The following EPS8L1 variants were observed in gnomAD, a reference collection of about 807,000 sequenced individuals.
EPS8L1 encodes epidermal growth factor receptor kinase substrate 8-like protein 1.
In EPS8L1, 101 loss-of-function variants were observed where a neutral mutation model predicts 91.7. The ratio of observed to expected loss-of-function variants is 1.10; its 90% CI spans 0.94 to 1.30. EPS8L1 has a LOEUF of 1.30. Among genes scored for constraint, EPS8L1 ranks in the 50% most tolerant of loss-of-function variants. EPS8L1 has a pLI of 0.00. For missense variants in EPS8L1, 1,114 were observed against 1,017.0 expected, an observed-to-expected ratio of 1.10 and a Z score of -1.30; for synonymous variants, 506 against 445.3, an observed-to-expected ratio of 1.14 and a Z score of -1.72.
chr19:55,077,974 C>G (rs1006236580), intron 2 of EPS8L1, 114 bp from the exon 3 acceptor site: 25 of 518,368 alleles, frequency 4.8e-5, no homozygotes, highest in Non-Finnish European at 8.1e-5. Flanking sequence ...ATAATAATAA[C>G]CCTTCCATCG....
Position 55,086,809 on chromosome 19 carries a change from G to A in EPS8L1, c.1873G>A (p.Ala625Thr), listed in dbSNP as rs1216979280. The part of the protein sequence containing the change: ...GPSRAVPGPR[A>T]PEPQLSPGSD... ...GAGCCGCGCAGTCCCAGGGCCCCGCGCCCCGGAACCGCAGCTCAGCCCGGG... is the reference window on the plus strand; with the variant it reads ...GAGCCGCGCAGTCCCAGGGCCCCGCACCCCGGAACCGCAGCTCAGCCCGGG... Residue 625 changes from alanine to threonine, a missense_variant, in exon 18 of 20, where the codon GCC becomes ACC. Transcript: ENST00000201647. 6.3e-7 allele frequency: 1 copy of A among 1,590,786 alleles called. No homozygotes were observed. Among genetic ancestry groups the A allele is most frequent in the Non-Finnish European group, 8.5e-7 (1 of 1,170,030 alleles).
chr19:55,080,016 C>T, intron 5 of EPS8L1, 113 bp from the exon 6 acceptor site: 1 of 1,438,202 alleles, frequency 7.0e-7, no homozygotes, highest in Non-Finnish European at 9.2e-7. Flanking sequence ...GGCTGTTATC[C>T]CTAACCCCCT....
At position 55,080,851 on chromosome 19, in the gene EPS8L1, T is replaced by C; in HGVS notation, c.509T>C (p.Leu170Pro). The C allele has an allele frequency of 1.2e-6, 2 of 1,607,560 alleles. No individual in the cohort carries two copies. The highest frequency in any genetic ancestry group is 1.7e-6 in the Non-Finnish European group (2 of 1,176,740). ...SGRGERRAAALRATQEELQRD... is the reference protein window; with the variant it reads ...SGRGERRAAAPRATQEELQRD... ...CGCGGGGAGCGCAGGGCGGCGGCGCTCAGGTGAGAGGGAAGAAGTTGGCAG... is the reference window on the plus strand; with the variant it reads ...CGCGGGGAGCGCAGGGCGGCGGCGCCCAGGTGAGAGGGAAGAAGTTGGCAG... The change falls in exon 7 of 20, where the codon CTC becomes CCC. Residue 170 changes from leucine to proline, a missense_variant. By Grantham distance (98) the Leu-to-Pro change is moderately conservative. Transcript: ENST00000201647.
chr19:55,087,533 A>G lies in EPS8L1; in HGVS notation c.2091A>G (p.Lys697=), dbSNP rs1419208121. 6.2e-7 allele frequency: 1 copy of G among 1,614,024 alleles called. No individual in the cohort carries two copies. The highest frequency in any genetic ancestry group is 8.5e-7 in the Non-Finnish European group (1 of 1,180,030). ...VTVQRSLLED[K]EKVSELEAVM... ...ATTTCCACCCCGCCCTCCAGGACAAAGAGAAAGTGTCAGAGCTGGAGGCAG... is the reference window on the plus strand; with the variant it reads ...ATTTCCACCCCGCCCTCCAGGACAAGGAGAAAGTGTCAGAGCTGGAGGCAG... The change falls in exon 20 of 20, where the codon AAA becomes AAG. Residue 697 remains lysine (K), a synonymous_variant. Transcript: ENST00000201647.
At chr19:55,076,152 G>A (rs56894949) in intron 1 of EPS8L1, among the ~76,000 whole-genome samples, 310 of 39,346 alleles carry the variant, frequency 7.9e-3, no homozygotes, top group African/African-American at 0.026. Context: ...TGGACTCCTG[G>A]GTCTGAGGGA....
chr19:55,086,925 AC>A, intron 18 of EPS8L1, 37 bp downstream of exon 18: 1 of 1,406,318 alleles, frequency 7.1e-7, no homozygotes, highest in Non-Finnish European at 9.2e-7. Context: ...GCGGGTTGAT[AC>A]GGACGCTGGG....
Position 55,079,841 on chromosome 19 carries a change from C to T in EPS8L1, c.269C>T (p.Pro90Leu), listed in dbSNP as rs746677729. The T allele has an allele frequency of 1.1e-5, 17 of 1,612,322 alleles. No individual in the cohort carries two copies. In the East Asian group the frequency reaches 1.8e-4, roughly 17 times the overall value. The change falls in exon 5 of 20, where the codon CCG becomes CTG. Residue 90 changes from proline to leucine, a missense_variant. Coordinates refer to ENST00000201647, the MANE Select transcript of EPS8L1 (RefSeq NM_133180.3). ...CCCGACCATGTCACGCTGCTCGACCCGGCCTCCAAGGTGCCGGGGGGCACG... is the reference window on the plus strand; with the variant it reads ...CCCGACCATGTCACGCTGCTCGACCTGGCCTCCAAGGTGCCGGGGGGCACG... ...VSPDHVTLLD[P>L]ASKEELESYP...
In EPS8L1 at chr19:55,085,706, T is replaced by C. The variant is rs559891251; in HGVS notation, c.1386-135T>C. 84 of 1,011,768 alleles carry C rather than the reference T, an allele frequency of 8.3e-5. 1 individual carries two copies. In the Middle Eastern group the frequency reaches 2.0e-3, roughly 24 times the overall value. 62.7% of individuals were successfully genotyped at this position (1,011,768 alleles called of 1,614,324 possible). A position where few individuals can be genotyped will look rare whatever the true frequency, so the allele number is the denominator to read the frequency against. ...TTCAGTCTGTTATTCTTGTTTCAAA[T>C]TTCTATTAACAGTATTAACCCGGCC... On this transcript the variant is annotated intron_variant, in intron 14 of 19. Transcript: ENST00000201647.
Position 55,087,853 on chromosome 19 carries a change from C to T in EPS8L1, c.*239C>T, listed in dbSNP as rs1057360743. 3.7e-6 allele frequency: 2 copies of T among 546,068 alleles called. No individual in the cohort carries two copies. Among genetic ancestry groups the T allele is most frequent in the South Asian group, 2.0e-5 (1 of 50,074 alleles). The allele number at this position is 546,068 out of a possible 1,614,324, so 33.8% of individuals were successfully genotyped here. On this transcript the variant is annotated 3_prime_UTR_variant, in exon 20 of 20. Transcript: ENST00000201647. ...TCTACGGAAAGCGCTAGCAGACCCC[C>T]GAGAGGGTGCAGTGGAGCCCTGAGC...
chr19:55,082,753 A>G, intron 12 of EPS8L1, 151 bp downstream of exon 12: 1 of 711,872 alleles, frequency 1.4e-6, no homozygotes, highest in Non-Finnish European at 2.3e-6. Context: ...GGCTTAGGAC[A>G]GATGCCAAGA....
chr19:55,079,950 C>G, intron 5 of EPS8L1, 99 bp downstream of exon 5: 1 of 1,465,036 alleles, frequency 6.8e-7, no homozygotes. Context: ...TCTGGGAACT[C>G]TGGCGAGGGA....
chr19:55,085,899 T>C lies in EPS8L1; in HGVS notation c.1444T>C (p.Trp482Arg). The C allele has an allele frequency of 6.2e-7, 1 of 1,612,682 alleles. No homozygotes were observed. The highest frequency in any genetic ancestry group is 8.5e-7 in the Non-Finnish European group (1 of 1,179,678). The change falls in exon 15 of 20, where the codon TGG (tryptophan) becomes CGG (arginine). Residue 482 changes from tryptophan to arginine, a missense_variant. Physicochemically the swap from Trp to Arg is moderately radical, Grantham distance 101. Coordinates refer to ENST00000201647, the MANE Select transcript of EPS8L1 (RefSeq NM_133180.3). Reference protein sequence around the residue: ...PQLESETAGKWVLCNYDFQAR... With the variant: ...PQLESETAGKRVLCNYDFQAR... ...GCTGGAGTCAGAGACAGCAGGAAAA[T>C]GGGTCCTGTGTAATTATGACTTCCA...
chr19:55,083,825 A>T lies in EPS8L1; in HGVS notation c.1385+181A>T. 1.4e-5 allele frequency: 1 copy of T among 69,124 alleles called. No individual in the cohort carries two copies. Among genetic ancestry groups the T allele is most frequent in the Non-Finnish European group, 2.7e-5 (1 of 36,774 alleles). 4.3% of individuals were successfully genotyped at this position (69,124 alleles called of 1,614,324 possible). On this transcript the variant is annotated intron_variant, in intron 14 of 19. Coordinates refer to ENST00000201647, the MANE Select transcript of EPS8L1 (RefSeq NM_133180.3). The surrounding 1 kb of genome is among the most constrained non-coding windows in gnomAD (Gnocchi z 4.7). ...GGGAGAGAGGGAGGAGCAGGGTGGG[A>T]GGGGGCGGGACCCAGACTTCTGGGG...
In EPS8L1 at chr19:55,080,822, G is replaced by C. The variant is rs141593409; in HGVS notation, c.480G>C (p.Ser160=). 5.0e-6 allele frequency: 8 copies of C among 1,611,490 alleles called. No individual in the cohort carries two copies. The Admixed American group carries it at 5.0e-5, about 10-fold the overall frequency. Residue 160 remains serine (S), a synonymous_variant, in exon 7 of 20, where the codon TCG becomes TCC. Transcript: ENST00000201647. The part of the protein sequence containing the change: ...DIQGALHNYR[S]GRGERRAAAL... ...AGGGGGCTCTGCACAATTACCGCTC[G>C]GGCCGCGGGGAGCGCAGGGCGGCGG...
chr19:55,079,157 A>G, intron 4 of EPS8L1, 100 bp downstream of exon 4: 1 of 1,281,598 alleles, frequency 7.8e-7, no homozygotes, highest in Non-Finnish European at 1.1e-6. Flanking sequence ...AGCAGGAAGC[A>G]TGTGGAAAGT....
Position 55,076,071 on chromosome 19 carries a change from G to A in EPS8L1, c.-38+152G>A, listed in dbSNP as rs1235833197. ...TGAGGGAGGAGGGCCTGGGGTCCTG[G>A]ACTCCTAGGTCTGAGGGAGGAGGGG... On this transcript the variant is annotated intron_variant, in intron 1 of 19. Coordinates refer to ENST00000201647, the MANE Select transcript of EPS8L1 (RefSeq NM_133180.3). 2.0e-3 allele frequency among the ~76,000 whole-genome samples: 278 copies of A among 137,822 alleles called. 4 individuals carry two copies. In the East Asian group the frequency reaches 0.029, roughly 14 times the overall value. 90.4% of individuals were successfully genotyped at this position (137,822 alleles called of 152,430 possible). A position where few individuals can be genotyped will look rare whatever the true frequency, so the allele number is the denominator to read the frequency against.
chr19:55,078,274 TCAGAGGGAAGAGGGGCTGGGGGGCTGG>T, intron 3 of EPS8L1, 146 bp downstream of exon 3: 1 of 371,314 alleles, frequency 2.7e-6, no homozygotes, highest in Admixed American at 5.4e-5. Flanking sequence ...GACTCCTGGG[TCAGAGGGAAGAGGGGCTGGGGGGCTGG>T]ACTCCTAGGT....
chr19:55,076,573 TG>T, intron 2 of EPS8L1, 112 bp downstream of exon 2: 1 of 1,300,798 alleles, frequency 7.7e-7, no homozygotes, highest in Non-Finnish European at 1.1e-6. Flanking sequence ...GCCCAGACTC[TG>T]GCCCAAGCCC....
At chr19:55,079,122 G>A (rs1239478736) in intron 4 of EPS8L1, 65 bp downstream of exon 4, 7 of 1,539,934 alleles carry the variant, frequency 4.5e-6, no homozygotes, top group African/African-American at 2.7e-5. Context: ...AGGAGATAGG[G>A]CTTTTGAAAG....
Sources: allele counts gnomAD v4.1 joint callset (sites outside exome capture counted in the v4.1 genomes callset), GRCh38; gene constraint gnomAD v4.1.1; non-coding constraint Gnocchi (gnomAD v3.1); transcripts MANE v1.5; gene names NCBI Gene and HGNC (gene_info 2026-07-23, HGNC 2026-07-21).